The following FRMPD4 variants were observed in gnomAD, a reference collection of about 807,000 sequenced individuals.
FRMPD4 encodes FERM and PDZ domain-containing protein 4.
In FRMPD4, 22 loss-of-function variants were observed where a neutral mutation model predicts 94.1. That is an observed-to-expected ratio of 0.23 (90% CI 0.17 to 0.33). FRMPD4 has a LOEUF of 0.33. Ranked by LOEUF, FRMPD4 falls within the 10% of genes least tolerant of loss-of-function variation. FRMPD4 has a pLI of 1.00. For missense variants in FRMPD4, 1,111 were observed against 1,339.9 expected (o/e 0.83, Z 2.67); for synonymous variants, 631 against 548.6 (o/e 1.15, Z -2.10).
chrX:12,195,034 G>C (rs1429415311), intron 1 of FRMPD4, among the ~76,000 whole-genome samples: 1 of 112,365 alleles, frequency 8.9e-6, no homozygotes. Context: ...CATGACACTA[G>C]TGTGTGTGCA....
intron 1 of FRMPD4, among the ~76,000 whole-genome samples, chrX:12,487,991 A>T (rs1345520471): frequency 2.7e-5 from 3 of 112,440 alleles, no homozygotes; most frequent in Non-Finnish European, 1.9e-5. Flanking sequence ...TAACCCATTA[A>T]AAATATTGCA....
At chrX:12,248,898 G>A (rs1344680549) in intron 1 of FRMPD4, among the ~76,000 whole-genome samples, 2 of 112,184 alleles carry the variant, frequency 1.8e-5, no homozygotes, top group African/African-American at 6.5e-5. Flanking sequence ...AATTAGCTGG[G>A]TGTGGTGGCA....
intron 2 of FRMPD4, among the ~76,000 whole-genome samples, chrX:12,536,856 G>T (rs1332938066): frequency 9.0e-6 from 1 of 111,623 alleles, no homozygotes; most frequent in East Asian, 2.8e-4. Flanking sequence ...GCAAGTGAGG[G>T]GGGTCGTGTA....
intron 3 of FRMPD4, among the ~76,000 whole-genome samples, chrX:11,908,214 A>AT (rs1569123161): frequency 9.0e-6 from 1 of 111,439 alleles, no homozygotes; most frequent in Non-Finnish European, 1.9e-5. Context: ...ATCATCTTTA[A>AT]TTTTTTGCTG....
chrX:12,630,824 T>C (rs2059388913), intron 4 of FRMPD4, among the ~76,000 whole-genome samples: 1 of 111,847 alleles, frequency 8.9e-6, no homozygotes, highest in Non-Finnish European at 1.9e-5. Flanking sequence ...TGGCCAATAT[T>C]AGGGTAGCTC....
rs140515130 is a variant in FRMPD4, at chrX:12,717,655, C to T, written c.2829C>T (p.Tyr943=). Residue 943 remains tyrosine (Y), a synonymous_variant, in exon 16 of 17, where the codon TAC becomes TAT. Transcript: ENST00000675598. ...SRMFLATHEG[Y]HPLAEEQTEF... ...TGTTCTTGGCCACTCACGAAGGCTACCACCCCCTTGCAGAAGAGCAGACCG... is the reference window on the plus strand; with the variant it reads ...TGTTCTTGGCCACTCACGAAGGCTATCACCCCCTTGCAGAAGAGCAGACCG... The T allele has an allele frequency of 1.2e-4, 150 of 1,209,800 alleles. No individual in the cohort carries two copies. In the African/African-American group the frequency reaches 2.2e-3, roughly 18 times the overall value.
upstream of FRMPD4, among the ~76,000 whole-genome samples, chrX:12,136,455 C>T (rs1000291731): frequency 3.6e-5 from 4 of 110,837 alleles, no homozygotes; most frequent in African/African-American, 1.3e-4. Context: ...GGTGTGAGAA[C>T]CTTTTGCAAT....
chrX:12,381,792 A>C (rs1291919636), intron 1 of FRMPD4, among the ~76,000 whole-genome samples: 1 of 111,827 alleles, frequency 8.9e-6, no homozygotes, highest in Non-Finnish European at 1.9e-5. Flanking sequence ...TAACTATACC[A>C]GGGGATGAGA....
intron 1 of FRMPD4, among the ~76,000 whole-genome samples, chrX:12,205,206 C>A (rs938507135): frequency 3.6e-5 from 4 of 110,517 alleles, no homozygotes; most frequent in African/African-American, 1.3e-4. Context: ...ACTAAATCAT[C>A]CAAGATAGAT....
chrX:12,128,823 C>G (rs773387539), intron 3 of FRMPD4, among the ~76,000 whole-genome samples: 15 of 112,106 alleles, frequency 1.3e-4, no homozygotes, highest in Non-Finnish European at 2.4e-4. Context: ...TAAATCATCT[C>G]TTTCAATGTC....
intron 3 of FRMPD4, among the ~76,000 whole-genome samples, chrX:11,944,548 G>T (rs2054178792): frequency 8.9e-6 from 1 of 111,877 alleles, no homozygotes; most frequent in Admixed American, 9.4e-5. Flanking sequence ...GGGCAGTGCA[G>T]TCAGCGTAGG....
intron 1 of FRMPD4, among the ~76,000 whole-genome samples, chrX:11,843,672 C>T (rs2053554329): frequency 1.8e-5 from 2 of 110,919 alleles, no homozygotes; most frequent in African/African-American, 6.6e-5. Flanking sequence ...ATCCTCCTGC[C>T]TTAGCCTCCC....
chrX:12,617,665 C>A (rs1047057249), intron 4 of FRMPD4, among the ~76,000 whole-genome samples: 3 of 111,956 alleles, frequency 2.7e-5, no homozygotes, highest in Non-Finnish European at 5.6e-5. Context: ...TAAAAAACAT[C>A]CCGTTTTCTT....
At chrX:12,698,162 T>C (rs1301618439) in intron 9 of FRMPD4, among the ~76,000 whole-genome samples, 1 of 112,159 alleles carries the variant, frequency 8.9e-6, no homozygotes, top group Admixed American at 9.5e-5. Context: ...AGTGGGCTCC[T>C]AATGAGGACA....
At position 12,424,860 on chromosome X, in the gene FRMPD4, A is replaced by G. The variant is rs938943391; in HGVS notation, c.42-73820A>G. 7.1e-5 allele frequency among the ~76,000 whole-genome samples: 8 copies of G among 112,991 alleles called. No individual in the cohort carries two copies. The Admixed American group carries it at 7.5e-4, about 11-fold the overall frequency. ...GGCACATGAATTACAAATAAAGATTATAATTTCAGAATCTTGTGTACTGGG... is the reference window on the plus strand; with the variant it reads ...GGCACATGAATTACAAATAAAGATTGTAATTTCAGAATCTTGTGTACTGGG... On this transcript the variant is annotated intron_variant, in intron 1 of 16. Coordinates refer to ENST00000675598, the MANE Select transcript of FRMPD4 (RefSeq NM_001368397.1).
At chrX:12,070,542 A>G (rs2054958180) in intron 3 of FRMPD4, among the ~76,000 whole-genome samples, 1 of 111,507 alleles carries the variant, frequency 9.0e-6, no homozygotes, top group Non-Finnish European at 1.9e-5. Context: ...CCATTGTTCA[A>G]ATCTCTAGCC....
At chrX:12,166,942 T>C (rs149656795) in intron 1 of FRMPD4, among the ~76,000 whole-genome samples, 12,663 of 110,604 alleles carry the variant, frequency 0.11, 771 homozygotes, top group African/African-American at 0.22. Context: ...TCTTCTCTCT[T>C]TTTTTCTTTA....
At chrX:12,081,397 T>G (rs1202659411) in intron 3 of FRMPD4, among the ~76,000 whole-genome samples, 1 of 111,838 alleles carries the variant, frequency 8.9e-6, no homozygotes, top group African/African-American at 3.2e-5. Flanking sequence ...TCAGGTGATT[T>G]TCAGGTCATG....
chrX:12,128,242 A>G (rs756561618), intron 3 of FRMPD4, among the ~76,000 whole-genome samples: 3 of 112,925 alleles, frequency 2.7e-5, no homozygotes, highest in African/African-American at 3.2e-5. Context: ...GCATTTCCAT[A>G]TGTCCTCTGA....
Sources: allele counts gnomAD v4.1 joint callset (sites outside exome capture counted in the v4.1 genomes callset), GRCh38; gene constraint gnomAD v4.1.1; transcripts MANE v1.5; gene names NCBI Gene and HGNC (gene_info 2026-07-23, HGNC 2026-07-21).